Variants in NSD1 observed in about 807,000 individuals in gnomAD.
NSD1 encodes the protein nuclear receptor binding SET domain protein 1, also known as histone-lysine N-methyltransferase, H3 lysine-36 specific.
NSD1 carries 26 observed loss-of-function variants against 242.7 expected under a neutral mutation model. That is an observed-to-expected ratio of 0.11 (90% CI 0.08 to 0.15). The LOEUF is 0.15. Ranked by LOEUF, NSD1 falls within the 10% of genes least tolerant of loss-of-function variation. The probability of loss-of-function intolerance (pLI) is 1.00; values close to 1 mark genes in which losing one functional copy is unlikely to be tolerated. For synonymous variants in NSD1, 1,106 were observed against 1,178.1 expected (o/e 0.94, Z 1.25); for missense variants, 2,495 against 3,272.8 (o/e 0.76, Z 5.80).
intron 17 of NSD1, among the ~76,000 whole-genome samples, chr5:177,279,998 ATTTT>A (rs1225782853): frequency 2.8e-5 from 4 of 144,404 alleles, no homozygotes; most frequent in Non-Finnish European, 6.2e-5. Context: ...ATTTTATTTT[ATTTT>A]ATTTTATTTT....
chr5:177,203,503 G>T (rs533133022), intron 3 of NSD1, among the ~76,000 whole-genome samples: 1 of 152,122 alleles, frequency 6.6e-6, no homozygotes, highest in South Asian at 2.1e-4. Context: ...TTGACCATGC[G>T]CTTGTTCTCT....
intron 20 of NSD1, among the ~76,000 whole-genome samples, chr5:177,284,188 T>C (rs1759116069): frequency 6.6e-6 from 1 of 152,244 alleles, no homozygotes; most frequent in African/African-American, 2.4e-5. Flanking sequence ...ACTACCATTC[T>C]ACTTTCTGTC....
In NSD1 at chr5:177,135,991, T is replaced by C. The variant is rs539902470; in HGVS notation, c.888T>C (p.Pro296=). The change falls in exon 2 of 23, where the codon CCT becomes CCC. Residue 296 remains proline (P), a synonymous_variant. Coordinates refer to ENST00000439151, the MANE Select transcript of NSD1 (RefSeq NM_022455.5). ...TSTLGNMLEL[P]GTSSSSTSQE... is the part of the protein sequence containing the mutation. ...CATTAGGAAACATGCTAGAATTACCTGGAACTTCATCATCATCTACTTCAC... is the reference window on the plus strand; with the variant it reads ...CATTAGGAAACATGCTAGAATTACCCGGAACTTCATCATCATCTACTTCAC... The C allele has an allele frequency of 1.4e-5, 23 of 1,614,146 alleles. No homozygotes were observed. In the South Asian group the frequency reaches 2.3e-4, roughly 16 times the overall value.
At chr5:177,289,815 TTTGTTG>T (rs1018929437) in intron 21 of NSD1, among the ~76,000 whole-genome samples, 1 of 150,940 alleles carries the variant, frequency 6.6e-6, no homozygotes, top group African/African-American at 2.5e-5. Context: ...CCTTATTTTT[TTTGTTG>T]TTGTTGTTTT....
Position 177,209,853 on chromosome 5 carries a change from A to G in NSD1, c.1454A>G (p.His485Arg), listed in dbSNP as rs780603145. 5.6e-6 allele frequency: 9 copies of G among 1,614,100 alleles called. No individual in the cohort carries two copies. In the African/African-American group the frequency reaches 1.2e-4, roughly 22 times the overall value. The change falls in exon 5 of 23, where the codon CAT becomes CGT. Residue 485 changes from histidine (H) to arginine (R), a missense_variant. Transcript: ENST00000439151. ...CLKSLAFDSE[H>R]SADEKEKPCA... ...AAATCACTGGCTTTTGATTCTGAACATTCTGCAGATGAGAAGGAAAAGCCT... is the reference window on the plus strand; with the variant it reads ...AAATCACTGGCTTTTGATTCTGAACGTTCTGCAGATGAGAAGGAAAAGCCT...
chr5:177,267,487 A>G lies in NSD1; in HGVS notation c.5147-75A>G, dbSNP rs1581491296. The G allele has an allele frequency of 8.4e-6, 10 of 1,187,268 alleles. No homozygotes were observed. The East Asian group carries it at 2.1e-4, about 25-fold the overall frequency. 73.5% of individuals were successfully genotyped at this position (1,187,268 alleles called of 1,614,324 possible). A position where few individuals can be genotyped will look rare whatever the true frequency, so the allele number is the denominator to read the frequency against. On this transcript the variant is annotated intron_variant, in intron 14 of 22. Transcript: ENST00000439151. ...TAGTGAAGAGAAAGAAAATATATATATATATGTGTATGGATGTACACATAC... is the reference window on the plus strand; with the variant it reads ...TAGTGAAGAGAAAGAAAATATATATGTATATGTGTATGGATGTACACATAC...
intron 2 of NSD1, among the ~76,000 whole-genome samples, chr5:177,150,950 G>A: frequency 6.6e-6 from 1 of 152,176 alleles, no homozygotes; most frequent in East Asian, 1.9e-4. Flanking sequence ...AAATATGATT[G>A]TAAATTGGTA....
At chr5:177,187,882 A>C (rs1023164572) in intron 2 of NSD1, among the ~76,000 whole-genome samples, 1 of 152,174 alleles carries the variant, frequency 6.6e-6, no homozygotes, top group African/African-American at 2.4e-5. Flanking sequence ...AGGGAGGAGT[A>C]TATCTTGTGT....
intron 12 of NSD1, among the ~76,000 whole-genome samples, chr5:177,253,958 T>C (rs1025031447): frequency 6.6e-6 from 1 of 152,148 alleles, no homozygotes; most frequent in Non-Finnish European, 1.5e-5. Flanking sequence ...TTTCGGTTTT[T>C]GTTTTTGTTT....
chr5:177,197,603 G>C (rs1762201064), intron 3 of NSD1, among the ~76,000 whole-genome samples: 1 of 152,178 alleles, frequency 6.6e-6, no homozygotes. Context: ...GCCTGGGCGA[G>C]AGTGCGAGAC....
intron 3 of NSD1, among the ~76,000 whole-genome samples, chr5:177,199,225 A>G (rs1435852367): frequency 6.6e-6 from 1 of 152,246 alleles, no homozygotes; most frequent in Non-Finnish European, 1.5e-5. Context: ...GAGCATGTTT[A>G]GCGTAGGCTA....
At chr5:177,206,707 C>G (rs1762893664) in intron 4 of NSD1, among the ~76,000 whole-genome samples, 1 of 152,078 alleles carries the variant, frequency 6.6e-6, no homozygotes, top group Non-Finnish European at 1.5e-5. Context: ...CAGCTGGTTG[C>G]TGATAGGGAT....
intron 11 of NSD1, among the ~76,000 whole-genome samples, chr5:177,249,458 T>TA (rs567451777): frequency 0.018 from 2,752 of 150,304 alleles, 35 homozygotes; most frequent in Non-Finnish European, 0.028. Context: ...ATTAATTAAT[T>TA]ATTTATTTAT....
At position 177,211,020 on chromosome 5, in the gene NSD1, A is replaced by G. The variant is rs1448045602; in HGVS notation, c.2621A>G (p.Glu874Gly). 6.2e-7 allele frequency: 1 copy of G among 1,614,220 alleles called. No homozygotes were observed. ...GAACTCTCTTACAGATCCTTAGGTG[A>G]GGATGTCAGTGACTCTGGAACATCA... The part of the protein sequence containing the change: ...LKELSYRSLG[E>G]DVSDSGTSKP... The change falls in exon 5 of 23, where the codon GAG becomes GGG. Residue 874 changes from glutamate (E) to glycine (G), a missense_variant. By Grantham distance (98) the Glu-to-Gly change is moderately conservative (BLOSUM62 -2). Around this residue, in one of 19 missense-constraint regions of NSD1, gnomAD observed 121 missense variants for 167.2 expected, o/e 0.72. Coordinates refer to ENST00000439151, the MANE Select transcript of NSD1 (RefSeq NM_022455.5).
intron 2 of NSD1, among the ~76,000 whole-genome samples, chr5:177,158,294 TTTC>T (rs770765958): frequency 0.037 from 864 of 23,642 alleles, 6 homozygotes; most frequent in East Asian, 0.18. Context: ...TCTTTCTTTC[TTTC>T]TTTCTTTTCT....
chr5:177,210,982 A>T lies in NSD1; in HGVS notation c.2583A>T (p.Leu861Phe), dbSNP rs767883158. The change falls in exon 5 of 23, where the codon TTA becomes TTT. Residue 861 changes from leucine to phenylalanine, a missense_variant. By Grantham distance (22) the Leu-to-Phe change is conservative. Transcript: ENST00000439151. ...DIETAVVKHV[L>F]SELKELSYRS... ...AAACAGCAGTGGTGAAACATGTTTT[A>T]TCCGAGTTGAAGGAACTCTCTTACA... 6.2e-7 allele frequency: 1 copy of T among 1,614,182 alleles called. No individual in the cohort carries two copies.
intron 2 of NSD1, among the ~76,000 whole-genome samples, chr5:177,154,881 C>T (rs984473663): frequency 1.3e-5 from 2 of 150,800 alleles, no homozygotes; most frequent in East Asian, 2.0e-4. Context: ...TTTTTAGTAG[C>T]GACGGGGTTT....
Position 177,260,060 on chromosome 5 carries a change from A to G in NSD1, c.5038A>G (p.Lys1680Glu), listed in dbSNP as rs372655919. Residue 1680 changes from lysine (K) to glutamate (E), a missense_variant, in exon 14 of 23, where the codon AAG (lysine) becomes GAG (glutamate). By Grantham distance (56) the Lys-to-Glu change is moderately conservative. Around this residue, in one of 19 missense-constraint regions of NSD1, gnomAD observed 31 missense variants for 120.2 expected, o/e 0.26. Transcript: ENST00000439151. ...ANDFCLAAGS[K>E]ILASNSIICP... is the part of the protein sequence containing the mutation. ...TGACTTTTGCCTGGCTGCTGGGTCA[A>G]AGATCCTTGCATCTAATAGTATCAT... 44 of 1,614,046 alleles carry G rather than the reference A, an allele frequency of 2.7e-5. No homozygotes were observed. Among genetic ancestry groups the G allele is most frequent in the Non-Finnish European group, 3.6e-5 (43 of 1,180,042 alleles).
intron 2 of NSD1, among the ~76,000 whole-genome samples, chr5:177,159,593 A>ATTTT (rs61064789): frequency 8.4e-6 from 1 of 118,576 alleles, no homozygotes; most frequent in Non-Finnish European, 1.8e-5. Context: ...CTAAGTCTGA[A>ATTTT]TTTTTTTTTT....
Sources: gnomAD v4.1 joint callset for allele counts (sites outside exome capture counted in the v4.1 genomes callset) on GRCh38, gnomAD v4.1.1 for gene constraint, gnomAD v4.1.1 regional missense constraint, MANE v1.5 for transcripts, NCBI Gene and HGNC (gene_info 2026-07-23, HGNC 2026-07-21) for gene names.